The following PTPRD variants were observed in gnomAD, a reference collection of about 807,000 sequenced individuals.
The protein encoded by PTPRD is receptor-type tyrosine-protein phosphatase delta.
Under a neutral mutation model 214.5 loss-of-function variants are expected in PTPRD, and 34 were observed. The observed-to-expected ratio is 0.16, with a 90% CI of 0.12 to 0.21. PTPRD has a LOEUF of 0.21. Among genes scored for constraint, PTPRD ranks in the 10% least tolerant of loss-of-function variants. The pLI, the probability that PTPRD is intolerant of heterozygous loss-of-function variation, is 1.00. For synonymous variants in PTPRD, 1,128 were observed against 845.7 expected (o/e 1.33, Z -5.79); for missense variants, 2,545 against 2,398.7 (o/e 1.06, Z -1.27).
chr9:10,402,622 A>T (rs1338687230), intron 2 of PTPRD, among the ~76,000 whole-genome samples: 1 of 151,766 alleles, frequency 6.6e-6, no homozygotes, highest in Non-Finnish European at 1.5e-5. Flanking sequence ...GAATATCATT[A>T]TCCCCTCCTG....
intron 12 of PTPRD, among the ~76,000 whole-genome samples, chr9:8,666,412 T>A (rs1003586724): frequency 2.2e-4 from 33 of 152,168 alleles, no homozygotes; most frequent in Admixed American, 7.9e-4. Flanking sequence ...ATAAAAATCT[T>A]ATGTGAAAGG....
At chr9:9,630,928 G>C (rs2095569574) in intron 7 of PTPRD, among the ~76,000 whole-genome samples, 1 of 151,796 alleles carries the variant, frequency 6.6e-6, no homozygotes. Flanking sequence ...TAGTACATTA[G>C]AAAACAAAAA....
intron 3 of PTPRD, among the ~76,000 whole-genome samples, chr9:10,167,941 A>G (rs1230240896): frequency 5.9e-5 from 9 of 152,206 alleles, no homozygotes; most frequent in Non-Finnish European, 1.2e-4. Context: ...AGGAGCCTGC[A>G]GTGCATTGCA....
At chr9:10,013,973 TA>T (rs551315214) in intron 4 of PTPRD, among the ~76,000 whole-genome samples, 30 of 152,116 alleles carry the variant, frequency 2.0e-4, no homozygotes, top group African/African-American at 6.7e-4. Context: ...TCTGTAATTC[TA>T]AACATGTGTT....
chr9:10,426,974 T>C (rs575207691), intron 2 of PTPRD, among the ~76,000 whole-genome samples: 9 of 152,202 alleles, frequency 5.9e-5, no homozygotes, highest in Admixed American at 5.9e-4. Context: ...AATGTATCAA[T>C]ATTAAGAAAA....
chr9:9,418,328 G>A (rs942371578), intron 8 of PTPRD, among the ~76,000 whole-genome samples: 9 of 151,974 alleles, frequency 5.9e-5, no homozygotes, highest in Non-Finnish European at 1.2e-4. Flanking sequence ...AATGAATCTA[G>A]CCCAGAGTTA....
chr9:9,229,246 A>G (rs190752471), intron 9 of PTPRD, among the ~76,000 whole-genome samples: 1 of 152,306 alleles, frequency 6.6e-6, no homozygotes, highest in East Asian at 1.9e-4. Flanking sequence ...CTTACATTGG[A>G]AAAAGCAGAG....
At chr9:8,833,675 T>C (rs2097346068) in intron 11 of PTPRD, among the ~76,000 whole-genome samples, 1 of 145,642 alleles carries the variant, frequency 6.9e-6, no homozygotes, top group Non-Finnish European at 1.5e-5. Flanking sequence ...TAAAGTTGAA[T>C]GAAAACTCTC....
At chr9:8,710,499 C>T (rs1305251577) in intron 12 of PTPRD, among the ~76,000 whole-genome samples, 2 of 152,230 alleles carry the variant, frequency 1.3e-5, no homozygotes, top group East Asian at 3.9e-4. Context: ...GCCTATACTC[C>T]TAGCTACTCA....
At chr9:9,170,955 G>A (rs1320557000) in intron 10 of PTPRD, among the ~76,000 whole-genome samples, 1 of 152,130 alleles carries the variant, frequency 6.6e-6, no homozygotes, top group Non-Finnish European at 1.5e-5. Context: ...GCTTTCAAAC[G>A]AAGTGAAACT....
chr9:10,122,876 G>T (rs963230741), intron 3 of PTPRD, among the ~76,000 whole-genome samples: 4 of 152,192 alleles, frequency 2.6e-5, no homozygotes, highest in Non-Finnish European at 4.4e-5. Context: ...GAACCTGTTG[G>T]TGAGAGGAAT....
At chr9:10,435,684 A>T (rs190567620) in intron 2 of PTPRD, among the ~76,000 whole-genome samples, 7 of 151,754 alleles carry the variant, frequency 4.6e-5, no homozygotes, top group Non-Finnish European at 5.9e-5. Flanking sequence ...TATCTGGATG[A>T]ATATAAAATA....
At chr9:9,545,562 T>C (rs1457515691) in intron 8 of PTPRD, among the ~76,000 whole-genome samples, 2 of 151,910 alleles carry the variant, frequency 1.3e-5, no homozygotes, top group Non-Finnish European at 2.9e-5. Context: ...AATAAAGCTA[T>C]TTTAAATATC....
intron 3 of PTPRD, among the ~76,000 whole-genome samples, chr9:10,144,961 G>A (rs868032761): frequency 2.0e-5 from 3 of 151,658 alleles, no homozygotes; most frequent in African/African-American, 7.2e-5. Context: ...AAGACTTGCC[G>A]GCCCACCTCT....
At chr9:9,470,807 C>G (rs2094534299) in intron 8 of PTPRD, among the ~76,000 whole-genome samples, 1 of 152,174 alleles carries the variant, frequency 6.6e-6, no homozygotes, top group Admixed American at 6.5e-5. Context: ...CAATGTGAAG[C>G]TGCCATGCTG....
chr9:10,197,218 C>G, intron 3 of PTPRD, among the ~76,000 whole-genome samples: 1 of 152,090 alleles, frequency 6.6e-6, no homozygotes, highest in East Asian at 1.9e-4. Context: ...GACCTTTCCT[C>G]TTTTGATGCA....
chr9:10,184,580 T>C (rs1368254775), intron 3 of PTPRD, among the ~76,000 whole-genome samples: 1 of 152,180 alleles, frequency 6.6e-6, no homozygotes, highest in Non-Finnish European at 1.5e-5. Flanking sequence ...TTGTTATACT[T>C]TGATAGCAAT....
intron 11 of PTPRD, among the ~76,000 whole-genome samples, chr9:9,007,745 A>G (rs1023094835): frequency 2.2e-5 from 2 of 91,022 alleles, no homozygotes; most frequent in African/African-American, 7.3e-5. Context: ...TTTTTTTTTC[A>G]TTGTGGTTTA....
intron 7 of PTPRD, among the ~76,000 whole-genome samples, chr9:9,622,104 G>A (rs1459448527): frequency 6.6e-6 from 1 of 152,086 alleles, no homozygotes; most frequent in Non-Finnish European, 1.5e-5. Context: ...AAGTATTAGG[G>A]AACAAGAATA....
Sources: gnomAD v4.1 joint callset for allele counts (sites outside exome capture counted in the v4.1 genomes callset) on GRCh38, gnomAD v4.1.1 for gene constraint, MANE v1.5 for transcripts, NCBI Gene and HGNC (gene_info 2026-07-23, HGNC 2026-07-21) for gene names.